IQGAP3: variants seen among roughly 807,000 people sequenced by gnomAD.
The protein encoded by IQGAP3 is ras GTPase-activating-like protein IQGAP3.
In IQGAP3, 165 loss-of-function variants were observed where a neutral mutation model predicts 208.2. The observed-to-expected ratio is 0.79, with a 90% CI of 0.70 to 0.90. The LOEUF (loss-of-function observed/expected upper bound fraction) is 0.90. Ranked by LOEUF, IQGAP3 falls within the 40% of genes least tolerant of loss-of-function variation. IQGAP3 has a pLI of 0.00. For missense variants in IQGAP3, 1,811 were observed against 2,043.1 expected (o/e 0.89, Z 2.19); for synonymous variants, 703 against 803.6 (o/e 0.87, Z 2.12).
chr1:156,531,603 G>GTTTTTTT (rs34783419), intron 32 of IQGAP3, among the ~76,000 whole-genome samples: 3 of 120,574 alleles, frequency 2.5e-5, no homozygotes, highest in Non-Finnish European at 3.4e-5. Context: ...CAGCTCACTT[G>GTTTTTTT]TTTTTTTTTT....
At chr1:156,537,499 C>T (rs757038268) in intron 26 of IQGAP3, among the ~76,000 whole-genome samples, 178 bp from the exon 27 acceptor site, 3 of 152,046 alleles carry the variant, frequency 2.0e-5, no homozygotes, top group Admixed American at 6.6e-5. Flanking sequence ...GAAATGCAGT[C>T]GGGAGGTAAA....
chr1:156,565,944 G>A (rs771821455), intron 4 of IQGAP3, 83 bp downstream of exon 4: 2 of 1,021,172 alleles, frequency 2.0e-6, no homozygotes, highest in South Asian at 2.5e-5. Flanking sequence ...AGGGCTAAAG[G>A]GTCCAGGGAG....
In IQGAP3 at chr1:156,548,645, A is replaced by G. The variant is rs1230953361; in HGVS notation, c.1929T>C (p.Val643=). 4 of 1,612,210 alleles carry G rather than the reference A, an allele frequency of 2.5e-6. No homozygotes were observed. In the East Asian group the frequency reaches 8.9e-5, roughly 36 times the overall value. The change falls in exon 17 of 38, where the codon GTT becomes GTC. Residue 643 remains valine (V), a synonymous_variant. Coordinates refer to ENST00000361170, the MANE Select transcript of IQGAP3 (RefSeq NM_178229.5). The stretch of plus-strand genomic sequence containing the variant: ...GCTGGTAGCCGTTGGCACAGTCGGG[A>G]ACTACCCCTCGAAGGGCCACTGCGG... ...RNPAVALRGV[V]PDCANGYQRA...
At chr1:156,529,256 C>G (rs1436758453) in intron 34 of IQGAP3, among the ~76,000 whole-genome samples, 174 bp from the exon 35 acceptor site, 1 of 152,230 alleles carries the variant, frequency 6.6e-6, no homozygotes. Flanking sequence ...CAAGGCATGT[C>G]CTCAGGGCCT....
chr1:156,544,407 G>T lies in IQGAP3; in HGVS notation c.2370C>A (p.Asn790Lys). 1 of 1,613,814 alleles carries T rather than the reference G, an allele frequency of 6.2e-7. No homozygotes were observed. Among genetic ancestry groups the T allele is most frequent in the Non-Finnish European group, 8.5e-7 (1 of 1,179,730 alleles). Reference sequence around the variant, plus strand: ...TAGCTACCTTGATTATGGCATCCAGGTTTGCTTTAAAATACTGCAACCACT... The same window carrying T: ...TAGCTACCTTGATTATGGCATCCAGTTTTGCTTTAAAATACTGCAACCACT... ...YLEWLQYFKANLDAIIKIQAW... is the reference protein window; with the variant it reads ...YLEWLQYFKAKLDAIIKIQAW... The change falls in exon 20 of 38, where the codon AAC (asparagine) becomes AAA (lysine). Residue 790 changes from asparagine (N) to lysine (K), a missense_variant. Physicochemically the swap from Asn to Lys is moderately conservative, Grantham distance 94. Coordinates refer to ENST00000361170, the MANE Select transcript of IQGAP3 (RefSeq NM_178229.5).
At chr1:156,572,098 G>C (rs1462464496) in intron 1 of IQGAP3, among the ~76,000 whole-genome samples, 1 of 152,166 alleles carries the variant, frequency 6.6e-6, no homozygotes, top group African/African-American at 2.4e-5. Flanking sequence ...TCTGAAAGCG[G>C]CATCTCAAAG....
chr1:156,545,829 T>C (rs1255243714), intron 19 of IQGAP3, among the ~76,000 whole-genome samples: 2 of 152,060 alleles, frequency 1.3e-5, no homozygotes, highest in African/African-American at 4.8e-5. Context: ...ATGTCCAGCA[T>C]CTCCCAGTGC....
At chr1:156,561,781 C>T in intron 10 of IQGAP3, 57 bp downstream of exon 10, 2 of 1,536,718 alleles carry the variant, frequency 1.3e-6, no homozygotes, top group East Asian at 2.3e-5. Flanking sequence ...GAGTAAGAGG[C>T]CCTCTCCTAT....
chr1:156,528,879 A>C (rs376581680), intron 35 of IQGAP3, 37 bp downstream of exon 35: 1 of 1,611,888 alleles, frequency 6.2e-7, no homozygotes, highest in Non-Finnish European at 8.5e-7. Context: ...GTGAGAAGTC[A>C]CTCGTAACCT....
At chr1:156,548,024 GC>G in intron 19 of IQGAP3, 48 bp downstream of exon 19, 1 of 1,537,348 alleles carries the variant, frequency 6.5e-7, no homozygotes, top group Non-Finnish European at 8.9e-7. Flanking sequence ...ATACCCTGGA[GC>G]CCAGATAAGC....
chr1:156,528,855 T>C (rs1308451743), intron 35 of IQGAP3, 61 bp downstream of exon 35: 44 of 1,580,466 alleles, frequency 2.8e-5, no homozygotes, highest in Non-Finnish European at 3.7e-5. Context: ...AGGGCAAAGG[T>C]GACATGGGCA....
At chr1:156,537,719 AT>A (rs1674762923) in intron 26 of IQGAP3, among the ~76,000 whole-genome samples, 1 of 152,190 alleles carries the variant, frequency 6.6e-6, no homozygotes, top group Middle Eastern at 3.4e-3. Flanking sequence ...AGCCACCAGG[AT>A]TGCCTGCTCG....
intron 11 of IQGAP3, 101 bp from the exon 12 acceptor site, chr1:156,556,794 T>C (rs145393548): frequency 4.3e-6 from 5 of 1,166,592 alleles, no homozygotes; most frequent in Non-Finnish European, 4.7e-6. Context: ...GGTGGGGAAA[T>C]GGCTTTCCAA....
intron 37 of IQGAP3, among the ~76,000 whole-genome samples, chr1:156,527,056 C>T (rs999928868): frequency 3.3e-5 from 5 of 151,094 alleles, no homozygotes; most frequent in African/African-American, 1.2e-4. Context: ...TGGTCTTGAA[C>T]TGCTGACCTC....
chr1:156,526,403 T>C lies in IQGAP3; in HGVS notation c.*83A>G. ...TGCCCAGTCCTGAGCTCTAGGTGTC[T>C]GCAGGGAAGCACAGTGGTGAGTTAG... is the stretch of plus-strand genomic sequence containing the variant. On this transcript the variant is annotated 3_prime_UTR_variant, in exon 38 of 38. Coordinates refer to ENST00000361170, the MANE Select transcript of IQGAP3 (RefSeq NM_178229.5). 1 of 922,076 alleles carries C rather than the reference T, an allele frequency of 1.1e-6. No homozygotes were observed. Among genetic ancestry groups the C allele is most frequent in the Admixed American group, 1.8e-5 (1 of 54,142 alleles). The allele number at this position is 922,076 out of a possible 1,614,324, so 57.1% of individuals were successfully genotyped here.
chr1:156,551,699 C>T lies in IQGAP3; in HGVS notation c.1734+6G>A. 6.2e-7 allele frequency: 1 copy of T among 1,606,688 alleles called. No homozygotes were observed. Among genetic ancestry groups the T allele is most frequent in the Non-Finnish European group, 8.5e-7 (1 of 1,176,884 alleles). ...TGATGACCAACCCAACCAGCCCTAA[C>T]TTCACCTGGGCCTTCTGCCTTTTGG... On this transcript the variant is annotated splice_donor_region_variant and intron_variant, in intron 15 of 37. Transcript: ENST00000361170.
At chr1:156,527,043 G>C (rs1674105489) in intron 37 of IQGAP3, among the ~76,000 whole-genome samples, 1 of 151,288 alleles carries the variant, frequency 6.6e-6, no homozygotes, top group African/African-American at 2.4e-5. Context: ...ATATTGGCCA[G>C]GCTGGTCTTG....
At chr1:156,540,603 T>C in intron 23 of IQGAP3, 105 bp downstream of exon 23, 1 of 1,012,184 alleles carries the variant, frequency 9.9e-7, no homozygotes, top group East Asian at 2.5e-5. Flanking sequence ...GGTGACAAAA[T>C]CCACAACATT....
chr1:156,547,416 C>T (rs1385234706), intron 19 of IQGAP3, among the ~76,000 whole-genome samples: 1 of 151,510 alleles, frequency 6.6e-6, no homozygotes, highest in East Asian at 1.9e-4. Context: ...CACACACACA[C>T]ACACACACAG....
Sources: gnomAD v4.1 joint callset for allele counts (sites outside exome capture counted in the v4.1 genomes callset) on GRCh38, gnomAD v4.1.1 for gene constraint, MANE v1.5 for transcripts, NCBI Gene and HGNC (gene_info 2026-07-23, HGNC 2026-07-21) for gene names.